The following CDH12 variants were observed in gnomAD, a reference collection of about 807,000 sequenced individuals.
CDH12 encodes cadherin 12.
In CDH12, 41 loss-of-function variants were observed where a neutral mutation model predicts 74.1. The ratio of observed to expected loss-of-function variants is 0.55; its 90% CI spans 0.43 to 0.72. CDH12 has a LOEUF of 0.72. CDH12 is among the 30% of genes least tolerant of loss of function. The pLI, the probability that CDH12 is intolerant of heterozygous loss-of-function variation, is 0.00. For missense variants in CDH12, 945 were observed against 977.2 expected, an observed-to-expected ratio of 0.97 and a Z score of 0.44; for synonymous variants, 399 against 355.0, an observed-to-expected ratio of 1.12 and a Z score of -1.39.
intron 1 of CDH12, among the ~76,000 whole-genome samples, chr5:22,736,353 C>A (rs1580941642): frequency 6.6e-6 from 1 of 151,760 alleles, no homozygotes; most frequent in East Asian, 1.9e-4. Flanking sequence ...TGAGATAGTT[C>A]ATTGGCTGAA....
chr5:21,922,944 A>ATATCTATATCTG (rs34381228), intron 6 of CDH12, among the ~76,000 whole-genome samples: 1 of 135,728 alleles, frequency 7.4e-6, no homozygotes, highest in African/African-American at 3.2e-5. Flanking sequence ...ATGTGTATCT[A>ATATCTATATCTG]TATCTATATC....
intron 4 of CDH12, among the ~76,000 whole-genome samples, chr5:22,153,183 C>CTTTTTTTTTTTTTTTT (rs70957094): frequency 2.2e-5 from 3 of 138,476 alleles, no homozygotes; most frequent in African/African-American, 5.3e-5. Flanking sequence ...TTTTTCTTTT[C>CTTTTTTTTTTTTTTTT]TTTTTTTTTT....
chr5:22,027,531 G>A (rs12187717), intron 5 of CDH12, among the ~76,000 whole-genome samples: 1 of 152,076 alleles, frequency 6.6e-6, no homozygotes, highest in Non-Finnish European at 1.5e-5. Context: ...CTTCTTCCTG[G>A]TTTAGTCTTG....
intron 3 of CDH12, among the ~76,000 whole-genome samples, chr5:22,351,627 C>G (rs1225599474): frequency 6.6e-6 from 1 of 152,010 alleles, no homozygotes. Flanking sequence ...TCGTGTCTCA[C>G]CAATTTATAC....
intron 1 of CDH12, among the ~76,000 whole-genome samples, chr5:22,668,024 A>C (rs1387365475): frequency 6.6e-6 from 1 of 152,230 alleles, no homozygotes; most frequent in Admixed American, 6.5e-5. Flanking sequence ...CCATGATTTT[A>C]TAAAAGCCAT....
chr5:22,083,697 T>A (rs961451848), intron 4 of CDH12, among the ~76,000 whole-genome samples: 4 of 152,132 alleles, frequency 2.6e-5, no homozygotes, highest in Non-Finnish European at 5.9e-5. Flanking sequence ...TTGACCATGA[T>A]CTACATGTTA....
At chr5:22,629,339 G>C (rs1219951782) in intron 1 of CDH12, among the ~76,000 whole-genome samples, 4 of 151,876 alleles carry the variant, frequency 2.6e-5, no homozygotes, top group Non-Finnish European at 5.9e-5. Flanking sequence ...CAAAATTCTT[G>C]ATGAACATAG....
At chr5:22,603,981 G>A (rs1232787136) in intron 1 of CDH12, among the ~76,000 whole-genome samples, 1 of 152,186 alleles carries the variant, frequency 6.6e-6, no homozygotes, top group East Asian at 1.9e-4. Context: ...ATGCAAACAT[G>A]AGGTCTGTAG....
intron 1 of CDH12, among the ~76,000 whole-genome samples, chr5:22,654,624 C>T (rs2126888449): frequency 7.5e-6 from 1 of 133,776 alleles, no homozygotes; most frequent in South Asian, 2.6e-4. Flanking sequence ...TGTTTGTTTG[C>T]TTGTTTTTTT....
chr5:21,868,522 G>T (rs935430020), intron 6 of CDH12, among the ~76,000 whole-genome samples: 12 of 152,140 alleles, frequency 7.9e-5, no homozygotes, highest in African/African-American at 2.4e-4. Context: ...GGCCTTGGGG[G>T]CCCAAATTCT....
intron 3 of CDH12, among the ~76,000 whole-genome samples, chr5:22,379,150 G>T (rs1274439732): frequency 6.6e-6 from 1 of 152,112 alleles, no homozygotes; most frequent in Non-Finnish European, 1.5e-5. Context: ...ACAGTCCTGG[G>T]AAAATATATA....
At chr5:22,404,235 T>C (rs1393749937) in intron 3 of CDH12, among the ~76,000 whole-genome samples, 1 of 151,900 alleles carries the variant, frequency 6.6e-6, no homozygotes, top group Non-Finnish European at 1.5e-5. Flanking sequence ...TCTAAACCCC[T>C]CATTTTGAAT....
rs139934864 is a variant in CDH12, at chr5:22,549,650, C to T, written c.-522-44286G>A. Among the ~76,000 whole-genome samples the T allele has an allele frequency of 2.0e-3, 308 of 152,136 alleles. 2 individuals carry two copies. Among genetic ancestry groups the T allele is most frequent in the African/African-American group, 6.9e-3 (287 of 41,518 alleles). On this transcript the variant is annotated intron_variant, in intron 1 of 14. Transcript: ENST00000382254. ...CTACTAGTTGCTATGTAGTTCAAAA[C>T]GACTGGAAATTTCTAATATAGAGAA...
chr5:21,936,873 G>A (rs1419797288), intron 6 of CDH12, among the ~76,000 whole-genome samples: 1 of 152,104 alleles, frequency 6.6e-6, no homozygotes, highest in Admixed American at 6.5e-5. Flanking sequence ...CTGCCACAGT[G>A]TAAGACTTGC....
chr5:22,343,886 G>A (rs186955998), intron 3 of CDH12, among the ~76,000 whole-genome samples: 1 of 152,164 alleles, frequency 6.6e-6, no homozygotes, highest in African/African-American at 2.4e-5. Flanking sequence ...TAATTGCTCA[G>A]TTTACCCTAG....
At position 22,034,752 on chromosome 5, in the gene CDH12, T is replaced by C. The variant is rs371949117; in HGVS notation, c.231+43694A>G. ...CAGGTGAAAAAAATTCAATTGCCAATTATCGAAATAATGAAGGAAAATGTG... is the reference window on the plus strand; with the variant it reads ...CAGGTGAAAAAAATTCAATTGCCAACTATCGAAATAATGAAGGAAAATGTG... On this transcript the variant is annotated intron_variant, in intron 5 of 14. Coordinates refer to ENST00000382254, the MANE Select transcript of CDH12 (RefSeq NM_004061.5). Among the ~76,000 whole-genome samples the C allele has an allele frequency of 9.9e-5, 15 of 152,140 alleles. No individual in the cohort carries two copies. In the East Asian group the frequency reaches 2.3e-3, roughly 23 times the overall value.
chr5:22,324,616 A>G (rs1453702711), intron 3 of CDH12, among the ~76,000 whole-genome samples: 1 of 151,686 alleles, frequency 6.6e-6, no homozygotes, highest in Non-Finnish European at 1.5e-5. Context: ...TTATTATTTT[A>G]TAAAATATAT....
chr5:22,269,206 C>T (rs534550992), intron 3 of CDH12, among the ~76,000 whole-genome samples: 5 of 152,162 alleles, frequency 3.3e-5, no homozygotes, highest in South Asian at 4.1e-4. Context: ...AATATTATTA[C>T]CACTTGGCTA....
intron 2 of CDH12, among the ~76,000 whole-genome samples, chr5:22,428,926 G>T (rs547996298): frequency 6.6e-6 from 1 of 152,120 alleles, no homozygotes; most frequent in East Asian, 1.9e-4. Flanking sequence ...GCTTTAAAAA[G>T]CTCAGGCCAA....
Sources: allele counts gnomAD v4.1 joint callset (sites outside exome capture counted in the v4.1 genomes callset), GRCh38; gene constraint gnomAD v4.1.1; transcripts MANE v1.5; gene names NCBI Gene and HGNC (gene_info 2026-07-23, HGNC 2026-07-21).